CADM2: variants seen among roughly 807,000 people sequenced by gnomAD.
The protein encoded by CADM2 is immunoglobulin superfamily member 4D.
A neutral mutation model predicts 49.8 loss-of-function variants in CADM2; 12 were observed. That is an observed-to-expected ratio of 0.24 (90% CI 0.15 to 0.39). The LOEUF (loss-of-function observed/expected upper bound fraction) is 0.39. Ranked by LOEUF, CADM2 falls within the 10% of genes least tolerant of loss-of-function variation. CADM2 has a pLI of 1.00. For missense variants in CADM2, 378 were observed against 492.3 expected (o/e 0.77, Z 2.20); for synonymous variants, 214 against 175.4 (o/e 1.22, Z -1.74).
chr3:85,892,619 T>C (rs533154116), intron 5 of CADM2, among the ~76,000 whole-genome samples: 1 of 152,286 alleles, frequency 6.6e-6, no homozygotes, highest in Admixed American at 6.5e-5. Flanking sequence ...CTCCTTCACC[T>C]TCCTCCATGA....
intron 1 of CADM2, among the ~76,000 whole-genome samples, chr3:85,031,610 G>A (rs1443730710): frequency 6.6e-6 from 1 of 152,168 alleles, no homozygotes; most frequent in Non-Finnish European, 1.5e-5. Flanking sequence ...CGCCTCCCGG[G>A]TTCACGCCAC....
chr3:85,840,054 G>C (rs529293882), intron 3 of CADM2, among the ~76,000 whole-genome samples: 36 of 151,754 alleles, frequency 2.4e-4, no homozygotes, highest in Middle Eastern at 6.8e-3. Flanking sequence ...CTCTCCTTCA[G>C]CTTTTTTCTG....
intron 1 of CADM2, among the ~76,000 whole-genome samples, chr3:85,551,553 C>T (rs1473851910): frequency 6.6e-6 from 1 of 152,060 alleles, no homozygotes; most frequent in African/African-American, 2.4e-5. Context: ...CATGGTTTTT[C>T]ATGAGTTAGA....
At chr3:85,341,778 A>C (rs1233805936) in intron 1 of CADM2, among the ~76,000 whole-genome samples, 14 of 152,122 alleles carry the variant, frequency 9.2e-5, no homozygotes. Flanking sequence ...ATAAAGATTT[A>C]ATCATTCATT....
chr3:84,970,412 A>C (rs955121270), intron 1 of CADM2, among the ~76,000 whole-genome samples: 3 of 151,902 alleles, frequency 2.0e-5, no homozygotes, highest in Admixed American at 2.0e-4. Flanking sequence ...ATATTTTCAC[A>C]TAAAGTGTTT....
chr3:85,679,871 T>C (rs1268848434), intron 1 of CADM2, among the ~76,000 whole-genome samples: 1 of 152,206 alleles, frequency 6.6e-6, no homozygotes, highest in African/African-American at 2.4e-5. Flanking sequence ...TTCCTCTCTA[T>C]TGGGTATTAG....
At chr3:85,390,669 C>G (rs532141117) in intron 1 of CADM2, among the ~76,000 whole-genome samples, 45 of 152,036 alleles carry the variant, frequency 3.0e-4, no homozygotes, top group African/African-American at 5.6e-4. Context: ...AAATCTTCAT[C>G]CTGAAAAGTG....
At chr3:85,948,934 A>C (rs1723064447) in intron 7 of CADM2, among the ~76,000 whole-genome samples, 1 of 151,416 alleles carries the variant, frequency 6.6e-6, no homozygotes, top group Non-Finnish European at 1.5e-5. Context: ...AAGACGGATA[A>C]TAGAGCAGCA....
chr3:85,726,332 C>T (rs1187049094), intron 1 of CADM2, 190 bp from the exon 2 acceptor site: 2 of 589,494 alleles, frequency 3.4e-6, no homozygotes, highest in Non-Finnish European at 6.0e-6. Flanking sequence ...CTTTGTCTTA[C>T]TCAAGGATCT....
At chr3:85,034,865 C>G (rs111908485) in intron 1 of CADM2, among the ~76,000 whole-genome samples, 3 of 144,178 alleles carry the variant, frequency 2.1e-5, no homozygotes, top group African/African-American at 7.9e-5. Flanking sequence ...GTGCAGGGCA[C>G]GATTTTGGCT....
At chr3:85,906,878 A>C (rs554763459) in intron 5 of CADM2, among the ~76,000 whole-genome samples, 1 of 152,346 alleles carries the variant, frequency 6.6e-6, no homozygotes, top group East Asian at 1.9e-4. Context: ...GACACACACA[A>C]AAAAGTATTG....
At chr3:85,760,219 A>G (rs541726978) in intron 2 of CADM2, among the ~76,000 whole-genome samples, 2 of 152,268 alleles carry the variant, frequency 1.3e-5, no homozygotes, top group South Asian at 2.1e-4. Flanking sequence ...AAATGTTCAA[A>G]TCAATGTACT....
intron 1 of CADM2, among the ~76,000 whole-genome samples, chr3:85,345,306 T>C: frequency 1.8e-5 from 1 of 54,276 alleles, no homozygotes; most frequent in African/African-American, 7.2e-5. Flanking sequence ...AGAGTGAGTC[T>C]CCATCTCAAA....
At chr3:85,244,548 T>A (rs2042606573) in intron 1 of CADM2, among the ~76,000 whole-genome samples, 1 of 152,236 alleles carries the variant, frequency 6.6e-6, no homozygotes, top group Non-Finnish European at 1.5e-5. Context: ...CCTTTAGTTA[T>A]GTTTATAACA....
intron 1 of CADM2, among the ~76,000 whole-genome samples, chr3:85,621,616 AAG>A (rs1334188960): frequency 2.6e-5 from 4 of 152,188 alleles, no homozygotes; most frequent in African/African-American, 9.6e-5. Context: ...CCAGTAATAA[AAG>A]AGACTCAAGT....
In CADM2 at chr3:85,600,589, G is replaced by A. The variant is rs779368922; in HGVS notation, c.62-125933G>A. 3.2e-4 allele frequency among the ~76,000 whole-genome samples: 48 copies of A among 151,750 alleles called. 1 individual carries two copies. Among genetic ancestry groups the A allele is most frequent in the Non-Finnish European group, 6.3e-4 (43 of 67,842 alleles). ...GTATGCATTCAAAAGTTGATCAGAAGTAAGGATGCTGAAACAAGGAAGTTT... is the reference window on the plus strand; with the variant it reads ...GTATGCATTCAAAAGTTGATCAGAAATAAGGATGCTGAAACAAGGAAGTTT... On this transcript the variant is annotated intron_variant, in intron 1 of 9. Coordinates refer to ENST00000383699, the MANE Select transcript of CADM2 (RefSeq NM_001167675.2).
At chr3:85,088,787 C>T (rs1349242214) in intron 1 of CADM2, among the ~76,000 whole-genome samples, 1 of 152,048 alleles carries the variant, frequency 6.6e-6, no homozygotes, top group Non-Finnish European at 1.5e-5. Context: ...TTTCTTTACA[C>T]TACTTTTATT....
intron 1 of CADM2, among the ~76,000 whole-genome samples, chr3:85,692,927 A>G (rs544762747): frequency 4.9e-4 from 74 of 152,240 alleles, no homozygotes; most frequent in South Asian, 1.0e-3. Flanking sequence ...CTGAACTCCA[A>G]AGAAAGAAAA....
chr3:85,041,736 T>C (rs886594213), intron 1 of CADM2, among the ~76,000 whole-genome samples: 2 of 152,190 alleles, frequency 1.3e-5, no homozygotes, highest in African/African-American at 4.8e-5. Context: ...AGAGAAATTA[T>C]CCTTTTGGGA....
Sources: gnomAD v4.1 joint callset for allele counts (sites outside exome capture counted in the v4.1 genomes callset) on GRCh38, gnomAD v4.1.1 for gene constraint, MANE v1.5 for transcripts, NCBI Gene and HGNC (gene_info 2026-07-23, HGNC 2026-07-21) for gene names.